ICMT: variants seen among roughly 807,000 people sequenced by gnomAD.
ICMT encodes isoprenylcysteine carboxyl methyltransferase.
In ICMT, 10 loss-of-function variants were observed where a neutral mutation model predicts 32.2. That is an observed-to-expected ratio of 0.31 (90% CI 0.19 to 0.53). ICMT has a LOEUF of 0.53. Ranked by LOEUF, ICMT falls within the 20% of genes least tolerant of loss-of-function variation. The pLI is 0.96. For missense variants in ICMT, 265 were observed against 356.9 expected (o/e 0.74, Z 2.07); for synonymous variants, 183 against 158.2 (o/e 1.16, Z -1.18).
chr1:6,225,378 G>C, intron 4 of ICMT, 116 bp from the exon 5 acceptor site: 6 of 965,526 alleles, frequency 6.2e-6, no homozygotes, highest in Non-Finnish European at 7.8e-6. Flanking sequence ...TGCTGAGACC[G>C]TCAGGGTCTC....
At chr1:6,227,170 C>A (rs903484597) in intron 4 of ICMT, among the ~76,000 whole-genome samples, 6 of 152,134 alleles carry the variant, frequency 3.9e-5, no homozygotes, top group African/African-American at 1.2e-4. Flanking sequence ...AGTGCTGGAG[C>A]ACAATGTAAA....
intron 4 of ICMT, among the ~76,000 whole-genome samples, chr1:6,230,314 C>G (rs1174648081): frequency 2.6e-5 from 4 of 152,140 alleles, no homozygotes; most frequent in African/African-American, 4.8e-5. Flanking sequence ...GGGGTTTTGC[C>G]ATGTTGGCTA....
chr1:6,225,824 C>T (rs573925800), intron 4 of ICMT, among the ~76,000 whole-genome samples: 15 of 152,210 alleles, frequency 9.9e-5, no homozygotes, highest in African/African-American at 3.6e-4. Context: ...CGCCCACTTC[C>T]CCAGTCTCCT....
intron 4 of ICMT, among the ~76,000 whole-genome samples, chr1:6,225,743 C>A (rs952410807): frequency 6.6e-6 from 1 of 151,984 alleles, no homozygotes; most frequent in Non-Finnish European, 1.5e-5. Flanking sequence ...ATTACCTCCA[C>A]GCTCAGAGAG....
chr1:6,233,134 G>A (rs192116602), intron 3 of ICMT, among the ~76,000 whole-genome samples: 54 of 152,316 alleles, frequency 3.5e-4, no homozygotes, highest in Non-Finnish European at 6.2e-4. Flanking sequence ...GATTACAGGC[G>A]TTCGCCACCG....
chr1:6,229,783 TACACACACACACACACAC>T (rs34741419), intron 4 of ICMT, among the ~76,000 whole-genome samples: 51 of 146,704 alleles, frequency 3.5e-4, no homozygotes, highest in South Asian at 6.6e-4. Flanking sequence ...ATAAAAAAAA[TACACACACACACACACAC>T]ACACACACAC....
intron 2 of ICMT, chr1:6,234,592 C>G: frequency 2.0e-6 from 1 of 501,862 alleles, no homozygotes; most frequent in Non-Finnish European, 3.8e-6. Context: ...ACCTGCACCC[C>G]TTCCGGGAAG....
At position 6,233,499 on chromosome 1, in the gene ICMT, G is replaced by C; in HGVS notation, c.429C>G (p.Phe143Leu). The C allele has an allele frequency of 1.2e-6, 2 of 1,613,856 alleles. No individual in the cohort carries two copies. The highest frequency in any genetic ancestry group is 1.7e-6 in the Non-Finnish European group (2 of 1,179,962). ...TVAALSSWLE[F>L]TLENIFWPEL... ...CTGGCCAAAAGATATTTTCAAGTGT[G>C]AACTCTAACCAAGAAGAAAGAGCAG... is the stretch of plus-strand genomic sequence containing the variant. Residue 143 changes from phenylalanine (F) to leucine (L), a missense_variant, in exon 3 of 5, where the codon TTC (phenylalanine) becomes TTG (leucine). Transcript: ENST00000343813.
chr1:6,231,869 A>AG, intron 4 of ICMT, 33 bp downstream of exon 4: 2 of 1,365,808 alleles, frequency 1.5e-6, no homozygotes, highest in South Asian at 1.5e-5. Flanking sequence ...AAAAAAAAAA[A>AG]AAAGAAAAGC....
At chr1:6,230,552 C>T (rs1167231747) in intron 4 of ICMT, among the ~76,000 whole-genome samples, 1 of 147,564 alleles carries the variant, frequency 6.8e-6, no homozygotes, top group Non-Finnish European at 1.5e-5. Context: ...GAACACTGCA[C>T]TCCAGGCTGG....
At position 6,232,983 on chromosome 1, in the gene ICMT, G is replaced by A. The variant is rs573925884; in HGVS notation, c.454+491C>T. The stretch of plus-strand genomic sequence containing the variant: ...AGCAGTTCTCCTGCCTCAGCCTCCC[G>A]AGTAGCTGGGATTACAGGCATGTGC... On this transcript the variant is annotated intron_variant, in intron 3 of 4. Coordinates refer to ENST00000343813, the MANE Select transcript of ICMT (RefSeq NM_012405.4). Among the ~76,000 whole-genome samples the A allele has an allele frequency of 9.2e-5, 14 of 151,632 alleles. No individual in the cohort carries two copies. In the East Asian group the frequency reaches 1.2e-3, roughly 13 times the overall value.
intron 2 of ICMT, chr1:6,234,396 A>G: frequency 2.3e-6 from 1 of 438,028 alleles, no homozygotes; most frequent in Non-Finnish European, 4.5e-6. Context: ...AGGAGATAAA[A>G]CTTTTTACCT....
chr1:6,234,127 G>A (rs1044891816), intron 2 of ICMT, among the ~76,000 whole-genome samples: 5 of 152,100 alleles, frequency 3.3e-5, no homozygotes, highest in East Asian at 1.9e-4. Context: ...TGCCCACCTC[G>A]GCCTCCTAAA....
intron 2 of ICMT, 81 bp downstream of exon 2, chr1:6,234,805 C>A: frequency 2.9e-6 from 3 of 1,046,044 alleles, no homozygotes; most frequent in Non-Finnish European, 4.5e-6. Context: ...ACAGATGAGA[C>A]AGGGATGAGG....
chr1:6,235,005 TCA>T (rs751218475), intron 1 of ICMT, 31 bp from the exon 2 acceptor site: 8 of 1,564,734 alleles, frequency 5.1e-6, no homozygotes, highest in East Asian at 4.5e-5. Flanking sequence ...GCTCAGTCAT[TCA>T]CAGTCCTCAG....
chr1:6,228,595 G>C (rs575125459), intron 4 of ICMT, among the ~76,000 whole-genome samples: 2 of 152,090 alleles, frequency 1.3e-5, no homozygotes, highest in African/African-American at 4.8e-5. Flanking sequence ...GCCTGCCTCA[G>C]CCTCCCAAAG....
chr1:6,228,848 G>A (rs992709533), intron 4 of ICMT, among the ~76,000 whole-genome samples: 1 of 151,070 alleles, frequency 6.6e-6, no homozygotes, highest in Non-Finnish European at 1.5e-5. Flanking sequence ...CCAACACAGT[G>A]AAACCCCTAC....
In ICMT at chr1:6,222,566, T is replaced by G. The variant is rs183421578; in HGVS notation, c.*2514A>C. The G allele has an allele frequency of 2.0e-5, 3 of 152,252 alleles. No homozygotes were observed. The highest frequency in any genetic ancestry group is 4.4e-5 in the Non-Finnish European group (3 of 68,054). 9.4% of individuals were successfully genotyped at this position (152,252 alleles called of 1,614,324 possible). A position where few individuals can be genotyped will look rare whatever the true frequency, so the allele number is the denominator to read the frequency against. ...CTCTCCAAAGCAGAGTACGTCAAGTTTTCCCTGGTGTCAGACAGCATTTCA... is the reference window on the plus strand; with the variant it reads ...CTCTCCAAAGCAGAGTACGTCAAGTGTTCCCTGGTGTCAGACAGCATTTCA... On this transcript the variant is annotated 3_prime_UTR_variant, in exon 5 of 5. Coordinates refer to ENST00000343813, the MANE Select transcript of ICMT (RefSeq NM_012405.4).
Position 6,224,456 on chromosome 1 carries a change from A to C in ICMT, c.*624T>G, listed in dbSNP as rs1170758363. 3.9e-5 allele frequency: 6 copies of C among 152,262 alleles called. No homozygotes were observed. Among genetic ancestry groups the C allele is most frequent in the African/African-American group, 1.4e-4 (6 of 41,472 alleles). 9.4% of individuals were successfully genotyped at this position (152,262 alleles called of 1,614,324 possible). A position where few individuals can be genotyped will look rare whatever the true frequency, so the allele number is the denominator to read the frequency against. On this transcript the variant is annotated 3_prime_UTR_variant, in exon 5 of 5. Transcript: ENST00000343813. ...TAAAAGTTGAACTAGAACACCAAGC[A>C]TTGAGCTAGGAATACCCCTTTGAAT...
Sources: gnomAD v4.1 joint callset for allele counts (sites outside exome capture counted in the v4.1 genomes callset) on GRCh38, gnomAD v4.1.1 for gene constraint, MANE v1.5 for transcripts, NCBI Gene and HGNC (gene_info 2026-07-23, HGNC 2026-07-21) for gene names.